Variants in NUDT5 observed in about 807,000 individuals in gnomAD.
The protein encoded by NUDT5 is nudix hydrolase 5.
Under a neutral mutation model 34.1 loss-of-function variants are expected in NUDT5, and 21 were observed. That is an observed-to-expected ratio of 0.62 (90% CI 0.44 to 0.89). The LOEUF is 0.89. Among genes scored for constraint, NUDT5 ranks in the 40% least tolerant of loss-of-function variants. The pLI, the probability that NUDT5 is intolerant of heterozygous loss-of-function variation, is 0.00. For synonymous variants in NUDT5, 85 were observed against 97.6 expected, an observed-to-expected ratio of 0.87 and a Z score of 0.76; for missense variants, 249 against 274.8, an observed-to-expected ratio of 0.91 and a Z score of 0.66.
rs1588654136 is a variant in NUDT5 at position 12,170,690 on chromosome 10, C to T, written c.550+27G>A. The stretch of plus-strand genomic sequence containing the variant: ...ATGGGGACGGGGAGAACTGGAGAAA[C>T]TGGGTGGCGGTCTGGAGAATGCTTA... On this transcript the variant is annotated intron_variant, in intron 9 of 9. Transcript: ENST00000491614. This position sits in a 1 kb window ranked among gnomAD's most constrained non-coding sequence, Gnocchi z 4.9. The T allele has an allele frequency of 1.2e-6, 2 of 1,611,054 alleles. No individual in the cohort carries two copies. The highest frequency in any genetic ancestry group is 1.1e-5 in the South Asian group (1 of 91,004).
intron 1 of NUDT5, among the ~76,000 whole-genome samples, chr10:12,189,678 C>A (rs114519902): frequency 6.6e-6 from 1 of 152,170 alleles, no homozygotes; most frequent in Admixed American, 6.5e-5. Context: ...GCAGAAAGAA[C>A]GAGAAATGAG....
At chr10:12,172,549 A>T (rs1019273191) in intron 7 of NUDT5, 2 of 584,296 alleles carry the variant, frequency 3.4e-6, no homozygotes, top group Non-Finnish European at 6.1e-6. Flanking sequence ...GTCATTTAAC[A>T]TTTTTTTACA....
At chr10:12,190,502 C>G (rs151301337) in intron 1 of NUDT5, among the ~76,000 whole-genome samples, 3,734 of 152,072 alleles carry the variant, frequency 0.025, 76 homozygotes, top group Non-Finnish European at 0.033. Context: ...GTTTAGCAAG[C>G]ACATCTGGGG....
In NUDT5 at chr10:12,166,472, T is replaced by C. The variant is rs968381436; in HGVS notation, c.*1230A>G. On this transcript the variant is annotated 3_prime_UTR_variant, in exon 10 of 10. Coordinates refer to ENST00000491614, the MANE Select transcript of NUDT5 (RefSeq NM_014142.4). Reference sequence around the variant, plus strand: ...TCTGTATTTCCATAATTGTTTTATCTTTAGGAAGTCCAGTGTAAAGATCTT... The same window carrying C: ...TCTGTATTTCCATAATTGTTTTATCCTTAGGAAGTCCAGTGTAAAGATCTT... 4.8e-5 allele frequency: 12 copies of C among 247,688 alleles called. No homozygotes were observed. The highest frequency in any genetic ancestry group is 2.7e-4 in the African/African-American group (12 of 44,524). The allele number at this position is 247,688 out of a possible 1,614,324, so 15.3% of individuals were successfully genotyped here. A position where few individuals can be genotyped will look rare whatever the true frequency, so the allele number is the denominator to read the frequency against.
At chr10:12,194,216 G>A (rs778035447) in intron 1 of NUDT5, among the ~76,000 whole-genome samples, 1 of 152,174 alleles carries the variant, frequency 6.6e-6, no homozygotes, top group Non-Finnish European at 1.5e-5. Context: ...ACTGCTCCTC[G>A]CAGAAGGGCT....
Position 12,187,834 on chromosome 10 carries a change from CCT to C in NUDT5, c.-41-1504_-41-1503del, listed in dbSNP as rs1021351155. Among the ~76,000 whole-genome samples the C allele has an allele frequency of 1.1e-4, 16 of 152,232 alleles. No individual in the cohort carries two copies. The highest frequency in any genetic ancestry group is 2.6e-4 in the African/African-American group (11 of 41,526). ...AACGACTTCACTGATGATTTCCTCCCCTGTGTTTTCTCTGTTGTTTCTTTTAA... is the reference window on the plus strand; with the variant it reads ...AACGACTTCACTGATGATTTCCTCCCGTGTTTTCTCTGTTGTTTCTTTTAA... On this transcript the variant is annotated intron_variant, in intron 1 of 9. Transcript: ENST00000491614. This position sits in a 1 kb window ranked among gnomAD's most constrained non-coding sequence, Gnocchi z 5.4.
chr10:12,192,222 T>C (rs930199002), intron 1 of NUDT5, among the ~76,000 whole-genome samples: 4 of 151,830 alleles, frequency 2.6e-5, no homozygotes, highest in Admixed American at 2.6e-4. Flanking sequence ...GAGAATCGCT[T>C]GAACGAGGGA....
rs781163517 is a variant in NUDT5, at chr10:12,166,737, G to T, written c.*965C>A. On this transcript the variant is annotated 3_prime_UTR_variant, in exon 10 of 10. Coordinates refer to ENST00000491614, the MANE Select transcript of NUDT5 (RefSeq NM_014142.4). Reference sequence around the variant, plus strand: ...AGTCCTGGAAAATCATGGAGCTGCTGGAGGCCCTAAAAGTCAACACAAAAA... The same window carrying T: ...AGTCCTGGAAAATCATGGAGCTGCTTGAGGCCCTAAAAGTCAACACAAAAA... 2.0e-6 allele frequency: 1 copy of T among 509,778 alleles called. No individual in the cohort carries two copies. The highest frequency in any genetic ancestry group is 5.8e-5 in the East Asian group (1 of 17,192). The allele number at this position is 509,778 out of a possible 1,614,324, so 31.6% of individuals were successfully genotyped here.
chr10:12,184,985 A>G, intron 2 of NUDT5, 29 bp from the exon 3 acceptor site: 1 of 1,208,018 alleles, frequency 8.3e-7, no homozygotes, highest in Non-Finnish European at 1.2e-6. Context: ...ATAAGTTGGG[A>G]AACTTTCAAA....
chr10:12,192,710 G>C (rs1041577536), intron 1 of NUDT5, among the ~76,000 whole-genome samples: 3 of 152,136 alleles, frequency 2.0e-5, no homozygotes, highest in African/African-American at 7.2e-5. Context: ...AATTAGCTGG[G>C]TGAGGTGGCA....
rs1477011044 is a variant in NUDT5, at chr10:12,171,405, G to T, written c.488-497C>A. Among the ~76,000 whole-genome samples, 2 of 152,160 alleles carry T rather than the reference G, an allele frequency of 1.3e-5. No homozygotes were observed. Among genetic ancestry groups the T allele is most frequent in the Non-Finnish European group, 2.9e-5 (2 of 68,030 alleles). On this transcript the variant is annotated intron_variant, in intron 7 of 9. Coordinates refer to ENST00000491614, the MANE Select transcript of NUDT5 (RefSeq NM_014142.4). This position sits in a 1 kb window ranked among gnomAD's most constrained non-coding sequence, Gnocchi z 4.2. ...CCAGATACGTAGAATCAGAGTATTT[G>T]CCCATCATGTTATCGCATGTTTCAG...
chr10:12,169,408 T>C lies in NUDT5; in HGVS notation c.550+1309A>G. On this transcript the variant is annotated intron_variant, in intron 9 of 9. Coordinates refer to ENST00000491614, the MANE Select transcript of NUDT5 (RefSeq NM_014142.4). This position sits in a 1 kb window ranked among gnomAD's most constrained non-coding sequence, Gnocchi z 4.8. ...CCTCCTCAGAGGGAGGGGCTGTTAT[T>C]GTTCCTGTTTTATGAAAAAAGCCGA... The C allele has an allele frequency of 1.1e-6, 1 of 948,518 alleles. No homozygotes were observed. Among genetic ancestry groups the C allele is most frequent in the Non-Finnish European group, 1.6e-6 (1 of 637,316 alleles). 58.8% of individuals were successfully genotyped at this position (948,518 alleles called of 1,614,324 possible).
Position 12,170,578 on chromosome 10 carries a change from G to T in NUDT5, c.550+139C>A. On this transcript the variant is annotated intron_variant, in intron 9 of 9. Transcript: ENST00000491614. This position sits in a 1 kb window ranked among gnomAD's most constrained non-coding sequence, Gnocchi z 4.9. ...AAAGGAAAATTAGTAGTGGTCACCT[G>T]CAGTTTTACAAGTTGCTAGGCATTT... is the stretch of plus-strand genomic sequence containing the variant. 1 of 825,020 alleles carries T rather than the reference G, an allele frequency of 1.2e-6. No individual in the cohort carries two copies. Among genetic ancestry groups the T allele is most frequent in the Non-Finnish European group, 2.0e-6 (1 of 490,540 alleles). 51.1% of individuals were successfully genotyped at this position (825,020 alleles called of 1,614,324 possible).
chr10:12,170,433 C>T lies in NUDT5; in HGVS notation c.550+284G>A, dbSNP rs920958995. 1.2e-4 allele frequency: 72 copies of T among 613,716 alleles called. No homozygotes were observed. The highest frequency in any genetic ancestry group is 2.2e-4 in the African/African-American group (12 of 53,932). 38.0% of individuals were successfully genotyped at this position (613,716 alleles called of 1,614,324 possible). A position where few individuals can be genotyped will look rare whatever the true frequency, so the allele number is the denominator to read the frequency against. On this transcript the variant is annotated intron_variant, in intron 9 of 9. Coordinates refer to ENST00000491614, the MANE Select transcript of NUDT5 (RefSeq NM_014142.4). This position sits in a 1 kb window ranked among gnomAD's most constrained non-coding sequence, Gnocchi z 4.9. ...GGACTGAAGGTTTAAAGTGTAGAATCGTTTTGGCTACTCAGCAGGAATGTC... is the reference window on the plus strand; with the variant it reads ...GGACTGAAGGTTTAAAGTGTAGAATTGTTTTGGCTACTCAGCAGGAATGTC...
At chr10:12,189,734 G>A (rs1456313301) in intron 1 of NUDT5, among the ~76,000 whole-genome samples, 1 of 152,144 alleles carries the variant, frequency 6.6e-6, no homozygotes, top group Non-Finnish European at 1.5e-5. Context: ...CCACTGCAAC[G>A]GAGTTTGCCT....
intron 4 of NUDT5, 77 bp downstream of exon 4, chr10:12,179,006 G>T: frequency 8.5e-7 from 1 of 1,169,794 alleles, no homozygotes; most frequent in Non-Finnish European, 1.3e-6. Context: ...AAGTTAACTT[G>T]GTTCCATTGA....
rs1435861443 is a variant in NUDT5, at chr10:12,184,166, C to T, written c.131+723G>A. ...TCCCGGGTTCAAGCAATTCTCCTGC[C>T]TCAGCCTCCCAAGTAGCTGGGATTA... On this transcript the variant is annotated intron_variant, in intron 3 of 9. Coordinates refer to ENST00000491614, the MANE Select transcript of NUDT5 (RefSeq NM_014142.4). Among the ~76,000 whole-genome samples, 3 of 152,196 alleles carry T rather than the reference C, an allele frequency of 2.0e-5. No individual in the cohort carries two copies. In the East Asian group the frequency reaches 5.8e-4, roughly 29 times the overall value.
chr10:12,174,913 G>A (rs556675749), intron 5 of NUDT5, among the ~76,000 whole-genome samples: 3 of 129,866 alleles, frequency 2.3e-5, no homozygotes, highest in South Asian at 3.0e-4. Context: ...GGCCAGAAAG[G>A]AGCAAACTGG....
intron 1 of NUDT5, among the ~76,000 whole-genome samples, chr10:12,194,565 C>T (rs1372107631): frequency 6.6e-6 from 1 of 152,224 alleles, no homozygotes; most frequent in Non-Finnish European, 1.5e-5. Context: ...AAAATGTATT[C>T]TTTAAAGCAC....
Sources: allele counts gnomAD v4.1 joint callset (sites outside exome capture counted in the v4.1 genomes callset), GRCh38; gene constraint gnomAD v4.1.1; non-coding constraint Gnocchi (gnomAD v3.1); transcripts MANE v1.5; gene names NCBI Gene and HGNC (gene_info 2026-07-23, HGNC 2026-07-21).